Variants in LUC7L3 observed in about 807,000 individuals in gnomAD.
LUC7L3 encodes luc7-like protein 3.
A neutral mutation model predicts 66.8 loss-of-function variants in LUC7L3; 6 were observed. The observed-to-expected ratio is 0.09, with a 90% CI of 0.05 to 0.18. LUC7L3 has a LOEUF of 0.18. Ranked by LOEUF, LUC7L3 falls within the 10% of genes least tolerant of loss-of-function variation. The pLI is 1.00. For synonymous variants in LUC7L3, 160 were observed against 174.7 expected (o/e 0.92, Z 0.66); for missense variants, 341 against 531.1 (o/e 0.64, Z 3.52).
intron 1 of LUC7L3, among the ~76,000 whole-genome samples, chr17:50,727,830 G>T (rs1969293788): frequency 6.6e-6 from 1 of 152,128 alleles, no homozygotes; most frequent in African/African-American, 2.4e-5. Context: ...TATAGGCCGG[G>T]CGTGGTGGCT....
rs1567881837 is a variant in LUC7L3 at position 50,751,576 on chromosome 17, A to G, written c.*915A>G. On this transcript the variant is annotated 3_prime_UTR_variant, in exon 10 of 10. Transcript: ENST00000505658. ...GGGCTGCAGTGGTGGCCAGAATTAG[A>G]TATCTTTAAAGAATTTTAAATACAA... The G allele has an allele frequency of 1.7e-6, 2 of 1,152,432 alleles. No individual in the cohort carries two copies. The highest frequency in any genetic ancestry group is 2.2e-6 in the Non-Finnish European group (2 of 922,914). 71.4% of individuals were successfully genotyped at this position (1,152,432 alleles called of 1,614,324 possible).
intron 9 of LUC7L3, 63 bp downstream of exon 9, chr17:50,746,765 T>G: frequency 1.4e-6 from 2 of 1,444,182 alleles, no homozygotes; most frequent in Non-Finnish European, 1.9e-6. Flanking sequence ...CCCCACTCAC[T>G]TTTCTCCAGA....
In LUC7L3 at chr17:50,745,901, G is replaced by T. The variant is rs1970640745; in HGVS notation, c.875G>T (p.Arg292Ile). The T allele has an allele frequency of 6.2e-7, 1 of 1,612,932 alleles. No homozygotes were observed. Among genetic ancestry groups the T allele is most frequent in the African/African-American group, 1.3e-5 (1 of 74,892 alleles). The change falls in exon 8 of 10, where the codon AGA becomes ATA. Residue 292 changes from arginine to isoleucine, a missense_variant. Physicochemically the swap from Arg to Ile is moderately conservative, Grantham distance 97. This residue lies in a region of LUC7L3 where 210 missense variants were observed against 238.1 expected (regional missense o/e 0.88). Coordinates refer to ENST00000505658, the MANE Select transcript of LUC7L3 (RefSeq NM_016424.5). ...ERARDRERRK[R>I]SRSRSRHSSR... is the part of the protein sequence containing the mutation. ...GCTCGTGACAGAGAAAGAAGAAAGAGAAGTCGTTCACGAAGTAGACACTCA... is the reference window on the plus strand; with the variant it reads ...GCTCGTGACAGAGAAAGAAGAAAGATAAGTCGTTCACGAAGTAGACACTCA...
At chr17:50,742,095 C>G (rs1189707759) in intron 5 of LUC7L3, among the ~76,000 whole-genome samples, 1 of 145,462 alleles carries the variant, frequency 6.9e-6, no homozygotes, top group Non-Finnish European at 1.6e-5. Flanking sequence ...TGTGTGTGTA[C>G]ATGTACATAT....
rs1970957855 is a variant in LUC7L3, at chr17:50,751,095, T to G, written c.*434T>G. ...TGGCAGAGACATATGCTTTAAAAAC[T>G]TAAATATTTCGGAGGCACATGTTGG... On this transcript the variant is annotated 3_prime_UTR_variant, in exon 10 of 10. Coordinates refer to ENST00000505658, the MANE Select transcript of LUC7L3 (RefSeq NM_016424.5). The G allele has an allele frequency of 1.4e-6, 2 of 1,443,028 alleles. No individual in the cohort carries two copies. The highest frequency in any genetic ancestry group is 2.5e-5 in the East Asian group (1 of 40,092). 89.4% of individuals were successfully genotyped at this position (1,443,028 alleles called of 1,614,324 possible).
chr17:50,736,537 G>C, intron 1 of LUC7L3: 1 of 164,124 alleles, frequency 6.1e-6, no homozygotes, highest in Non-Finnish European at 1.3e-5. Context: ...GTGCCAAATT[G>C]CTTTAAATGA....
At position 50,753,663 on chromosome 17, in the gene LUC7L3, G is replaced by C. The variant is rs1360952977; in HGVS notation, c.*3002G>C. The C allele has an allele frequency of 2.6e-5, 4 of 152,154 alleles. No homozygotes were observed. Among genetic ancestry groups the C allele is most frequent in the African/African-American group, 9.7e-5 (4 of 41,434 alleles). The allele number at this position is 152,154 out of a possible 1,614,324, so 9.4% of individuals were successfully genotyped here. A position where few individuals can be genotyped will look rare whatever the true frequency, so the allele number is the denominator to read the frequency against. On this transcript the variant is annotated 3_prime_UTR_variant, in exon 10 of 10. Coordinates refer to ENST00000505658, the MANE Select transcript of LUC7L3 (RefSeq NM_016424.5). ...CTAACAAACACAAAGATAGCTCCCA[G>C]GCACTGCTTTGTGTAGTTTGACAGC...
intron 9 of LUC7L3, chr17:50,749,447 C>A: frequency 9.7e-7 from 1 of 1,028,742 alleles, no homozygotes; most frequent in Non-Finnish European, 1.3e-6. Flanking sequence ...GTGTATTATG[C>A]AAGTGTTACG....
rs115628328 is a variant in LUC7L3 at position 50,724,227 on chromosome 17, A to G, written c.99+4396A>G. On this transcript the variant is annotated intron_variant, in intron 1 of 9. Coordinates refer to ENST00000505658, the MANE Select transcript of LUC7L3 (RefSeq NM_016424.5). ...TATCTGTAAAATACAAGGACTTTAAAAAAAAAACATAGCCGACCGGGCATG... is the reference window on the plus strand; with the variant it reads ...TATCTGTAAAATACAAGGACTTTAAGAAAAAAACATAGCCGACCGGGCATG... 8.5e-3 allele frequency: 1,563 copies of G among 184,658 alleles called. 27 individuals carry two copies. The highest frequency in any genetic ancestry group is 0.036 in the African/African-American group (1,488 of 41,710). 11.4% of individuals were successfully genotyped at this position (184,658 alleles called of 1,614,324 possible).
In LUC7L3 at chr17:50,719,628, G is replaced by A; in HGVS notation, c.-105G>A. On this transcript the variant is annotated 5_prime_UTR_variant, in exon 1 of 10. Transcript: ENST00000505658. ...GTCTTGTCGGCTCCTGTGTGTAGGA[G>A]GGATTTCGGCCTGAGAGCGGGCCGA... The A allele has an allele frequency of 5.4e-6, 5 of 920,302 alleles. No individual in the cohort carries two copies. In the South Asian group the frequency reaches 7.5e-5, roughly 14 times the overall value. The allele number at this position is 920,302 out of a possible 1,614,324, so 57.0% of individuals were successfully genotyped here. A position where few individuals can be genotyped will look rare whatever the true frequency, so the allele number is the denominator to read the frequency against.
chr17:50,720,419 A>G (rs1968668853), intron 1 of LUC7L3, among the ~76,000 whole-genome samples: 1 of 152,120 alleles, frequency 6.6e-6, no homozygotes, highest in Admixed American at 6.6e-5. Context: ...TCCACATAAA[A>G]CTCATTTGAT....
chr17:50,737,474 C>A, intron 2 of LUC7L3: 1 of 323,514 alleles, frequency 3.1e-6, no homozygotes. Flanking sequence ...GATTTGGAGG[C>A]ACCAGGTACC....
chr17:50,756,083 G>T lies in LUC7L3; in HGVS notation c.*5422G>T, dbSNP rs1383299061. The T allele has an allele frequency of 6.6e-6, 1 of 152,144 alleles. No individual in the cohort carries two copies. Among genetic ancestry groups the T allele is most frequent in the Non-Finnish European group, 1.5e-5 (1 of 68,024 alleles). 9.4% of individuals were successfully genotyped at this position (152,144 alleles called of 1,614,324 possible). A position where few individuals can be genotyped will look rare whatever the true frequency, so the allele number is the denominator to read the frequency against. The stretch of plus-strand genomic sequence containing the variant: ...GATGGAGGGAGAGGTGATCATGAGG[G>T]CACAGGGGTCTTCAGAAGAACTGGT... On this transcript the variant is annotated 3_prime_UTR_variant, in exon 10 of 10. Transcript: ENST00000505658.
At chr17:50,727,840 T>C (rs992799446) in intron 1 of LUC7L3, among the ~76,000 whole-genome samples, 1 of 151,876 alleles carries the variant, frequency 6.6e-6, no homozygotes, top group African/African-American at 2.4e-5. Context: ...GCGTGGTGGC[T>C]CACGCCAGTA....
intron 5 of LUC7L3, among the ~76,000 whole-genome samples, chr17:50,741,977 G>A (rs1379506009): frequency 1.3e-5 from 2 of 152,192 alleles, no homozygotes. Flanking sequence ...ACACGAGGCT[G>A]AGTTAGGAGA....
intron 1 of LUC7L3, 147 bp downstream of exon 1, chr17:50,719,978 A>G: frequency 1.5e-6 from 1 of 679,438 alleles, no homozygotes; most frequent in Non-Finnish European, 2.4e-6. Context: ...GCCAGGAGGG[A>G]GGATGCTGTC....
At position 50,751,007 on chromosome 17, in the gene LUC7L3, A is replaced by C; in HGVS notation, c.*346A>C. 6.9e-7 allele frequency: 1 copy of C among 1,441,086 alleles called. No individual in the cohort carries two copies. Among genetic ancestry groups the C allele is most frequent in the Non-Finnish European group, 9.1e-7 (1 of 1,104,898 alleles). The allele number at this position is 1,441,086 out of a possible 1,614,324, so 89.3% of individuals were successfully genotyped here. Reference sequence around the variant, plus strand: ...TGATGTCATTTCTTTTTTTTTTTTAATAAAAAGGTTGAACTGTTTTTTTTT... The same window carrying C: ...TGATGTCATTTCTTTTTTTTTTTTACTAAAAAGGTTGAACTGTTTTTTTTT... On this transcript the variant is annotated 3_prime_UTR_variant, in exon 10 of 10. Coordinates refer to ENST00000505658, the MANE Select transcript of LUC7L3 (RefSeq NM_016424.5).
At position 50,730,083 on chromosome 17, in the gene LUC7L3, C is replaced by G. The variant is rs568993829; in HGVS notation, c.100-6877C>G. 2.0e-5 allele frequency among the ~76,000 whole-genome samples: 3 copies of G among 151,584 alleles called. No individual in the cohort carries two copies. The East Asian group carries it at 5.8e-4, about 30-fold the overall frequency. ...GTCCTCCCACTGCTTGAGCAGGCTC[C>G]TCCCATTCCAGCCTCCTGAGTAGCT... On this transcript the variant is annotated intron_variant, in intron 1 of 9. Transcript: ENST00000505658.
In LUC7L3 at chr17:50,751,799, G is replaced by C. The variant is rs1567882079; in HGVS notation, c.*1138G>C. 2.0e-6 allele frequency: 2 copies of C among 1,017,954 alleles called. No individual in the cohort carries two copies. The highest frequency in any genetic ancestry group is 2.4e-6 in the Non-Finnish European group (2 of 849,078). The allele number at this position is 1,017,954 out of a possible 1,614,324, so 63.1% of individuals were successfully genotyped here. ...GACACCTTCAATTTGTGAAATCAAA[G>C]AACTGATGCACTATATAGAACGAAT... On this transcript the variant is annotated 3_prime_UTR_variant, in exon 10 of 10. Transcript: ENST00000505658.
Sources: gnomAD v4.1 joint callset for allele counts (sites outside exome capture counted in the v4.1 genomes callset) on GRCh38, gnomAD v4.1.1 for gene constraint, gnomAD v4.1.1 regional missense constraint, MANE v1.5 for transcripts, NCBI Gene and HGNC (gene_info 2026-07-23, HGNC 2026-07-21) for gene names.